Variants in PCDH15 observed in about 807,000 individuals in gnomAD.
PCDH15 encodes the protein protocadherin-15.
Under a neutral mutation model 178.5 loss-of-function variants are expected in PCDH15, and 129 were observed. The ratio of observed to expected loss-of-function variants is 0.72; its 90% CI spans 0.63 to 0.84. The LOEUF (loss-of-function observed/expected upper bound fraction) is 0.84, where lower values mean the gene tolerates loss of function less well. Among genes scored for constraint, PCDH15 ranks in the 40% least tolerant of loss-of-function variants. The pLI is 0.00. For synonymous variants in PCDH15, 800 were observed against 732.0 expected (o/e 1.09, Z -1.50); for missense variants, 2,230 against 2,099.9 (o/e 1.06, Z -1.21).
At chr10:54,696,862 G>C (rs546704274) in intron 1 of PCDH15, among the ~76,000 whole-genome samples, 1 of 152,210 alleles carries the variant, frequency 6.6e-6, no homozygotes, top group South Asian at 2.1e-4. Flanking sequence ...AGTCATTGCA[G>C]GGATGGATGT....
intron 1 of PCDH15, among the ~76,000 whole-genome samples, chr10:54,719,930 TG>T (rs1257216637): frequency 6.6e-6 from 1 of 152,132 alleles, no homozygotes; most frequent in South Asian, 2.1e-4. Context: ...CTACTATTGA[TG>T]GGTATTTGGG....
chr10:54,192,813 TA>T (rs901064669), intron 11 of PCDH15, among the ~76,000 whole-genome samples: 3 of 151,938 alleles, frequency 2.0e-5, no homozygotes, highest in African/African-American at 7.3e-5. Context: ...GACACTTTTA[TA>T]AAAGTTATGA....
chr10:54,559,229 C>A (rs1379163023), intron 2 of PCDH15, among the ~76,000 whole-genome samples: 1 of 151,976 alleles, frequency 6.6e-6, no homozygotes, highest in Non-Finnish European at 1.5e-5. Context: ...CAACACCTAG[C>A]ACATCCTAAG....
intron 2 of PCDH15, among the ~76,000 whole-genome samples, chr10:54,967,260 A>G (rs1280385670): frequency 1.3e-5 from 2 of 152,162 alleles, no homozygotes; most frequent in African/African-American, 2.4e-5. Flanking sequence ...TGACTGAAAC[A>G]TTACATTATG....
intron 1 of PCDH15, among the ~76,000 whole-genome samples, chr10:54,698,867 T>C (rs903766434): frequency 6.6e-6 from 1 of 152,152 alleles, no homozygotes; most frequent in Admixed American, 6.6e-5. Context: ...GCCAGTGTCA[T>C]TTGTGTAAAA....
At chr10:53,815,267 AAAC>A (rs1394467943) in intron 35 of PCDH15, among the ~76,000 whole-genome samples, 2 of 152,234 alleles carry the variant, frequency 1.3e-5, no homozygotes, top group African/African-American at 2.4e-5. Context: ...TGCAAAACAA[AAAC>A]AACAACAATA....
intron 2 of PCDH15, among the ~76,000 whole-genome samples, chr10:55,375,866 T>C (rs1439193742): frequency 6.6e-6 from 1 of 152,036 alleles, no homozygotes; most frequent in Non-Finnish European, 1.5e-5. Flanking sequence ...AAAAATATGA[T>C]TAGATATACT....
chr10:54,722,252 C>A (rs1365940097), intron 1 of PCDH15, among the ~76,000 whole-genome samples: 2 of 151,566 alleles, frequency 1.3e-5, no homozygotes, highest in Non-Finnish European at 3.0e-5. Flanking sequence ...AGTCAACAAC[C>A]AAAATTATGC....
chr10:55,127,927 T>C (rs1837944197), intron 2 of PCDH15, among the ~76,000 whole-genome samples: 1 of 152,048 alleles, frequency 6.6e-6, no homozygotes, highest in African/African-American at 2.4e-5. Context: ...TCTTTAAAGA[T>C]AAACTTCACT....
intron 13 of PCDH15, among the ~76,000 whole-genome samples, chr10:54,175,638 G>T (rs192887903): frequency 1.3e-5 from 2 of 152,072 alleles, no homozygotes; most frequent in African/African-American, 4.8e-5. Flanking sequence ...GGTACAAAAG[G>T]TTATGTCATG....
chr10:54,076,050 G>C (rs2094336850), intron 17 of PCDH15, among the ~76,000 whole-genome samples: 1 of 152,074 alleles, frequency 6.6e-6, no homozygotes, highest in Non-Finnish European at 1.5e-5. Context: ...GCTTGGGAGA[G>C]TATTAACATT....
At chr10:54,066,976 A>T (rs2094147248) in intron 17 of PCDH15, 91 bp from the exon 18 acceptor site, 6 of 1,296,582 alleles carry the variant, frequency 4.6e-6, no homozygotes, top group Non-Finnish European at 6.5e-6. Context: ...TCTATCTGAA[A>T]AGCATCTCAT....
intron 2 of PCDH15, among the ~76,000 whole-genome samples, chr10:54,641,231 G>C (rs943893238): frequency 2.0e-5 from 3 of 152,140 alleles, no homozygotes; most frequent in African/African-American, 7.2e-5. Context: ...AATTGCATTT[G>C]TTTTCATGAA....
intron 3 of PCDH15, among the ~76,000 whole-genome samples, chr10:54,502,765 T>G (rs2080816857): frequency 1.3e-5 from 2 of 152,076 alleles, no homozygotes; most frequent in Admixed American, 1.3e-4. Flanking sequence ...AGCTGTTGAA[T>G]TGGGCTTGAA....
chr10:54,599,679 G>C (rs1565707142), intron 2 of PCDH15: 2 of 427,364 alleles, frequency 4.7e-6, no homozygotes, highest in African/African-American at 4.2e-5. Flanking sequence ...TGGTACACTA[G>C]TCTCCAGTGA....
At chr10:54,592,624 C>T (rs991928699) in intron 2 of PCDH15, among the ~76,000 whole-genome samples, 1 of 152,038 alleles carries the variant, frequency 6.6e-6, no homozygotes, top group African/African-American at 2.4e-5. Flanking sequence ...TGTATCCATA[C>T]CATAGCTATT....
At chr10:54,367,809 A>G (rs896736258) in intron 5 of PCDH15, among the ~76,000 whole-genome samples, 3 of 151,592 alleles carry the variant, frequency 2.0e-5, no homozygotes, top group East Asian at 3.9e-4. Context: ...ATATATATAT[A>G]TGTGTATATA....
intron 2 of PCDH15, among the ~76,000 whole-genome samples, chr10:54,621,610 T>C (rs1056675385): frequency 3.3e-5 from 5 of 152,034 alleles, no homozygotes; most frequent in African/African-American, 1.2e-4. Context: ...CTCATTGTTT[T>C]AATCTAAAAG....
intron 2 of PCDH15, among the ~76,000 whole-genome samples, chr10:55,625,694 A>C (rs1837511685): frequency 6.6e-6 from 1 of 152,190 alleles, no homozygotes; most frequent in African/African-American, 2.4e-5. Context: ...CAAGCAAAGA[A>C]TCTGCCCTTT....
Sources: gnomAD v4.1 joint callset for allele counts (sites outside exome capture counted in the v4.1 genomes callset) on GRCh38, gnomAD v4.1.1 for gene constraint, MANE v1.5 for transcripts, NCBI Gene and HGNC (gene_info 2026-07-23, HGNC 2026-07-21) for gene names.